Variants in CEP350 observed in about 807,000 individuals in gnomAD.
CEP350 encodes centrosomal protein 350.
In CEP350, 126 loss-of-function variants were observed where a neutral mutation model predicts 331.8. That is an observed-to-expected ratio of 0.38 (90% CI 0.33 to 0.44). The LOEUF is 0.44. CEP350 is among the 20% of genes least tolerant of loss of function. The pLI is 1.00. For missense variants in CEP350, 3,406 were observed against 3,634.6 expected, an observed-to-expected ratio of 0.94 and a Z score of 1.62; for synonymous variants, 1,200 against 1,259.5, an observed-to-expected ratio of 0.95 and a Z score of 1.00.
At position 180,031,478 on chromosome 1, in the gene CEP350, T is replaced by C; in HGVS notation, c.3709T>C (p.Ser1237Pro). The C allele has an allele frequency of 6.7e-7, 1 of 1,481,822 alleles. No homozygotes were observed. The highest frequency in any genetic ancestry group is 1.4e-5 in the South Asian group (1 of 71,146). 91.8% of individuals were successfully genotyped at this position (1,481,822 alleles called of 1,614,324 possible). Residue 1237 changes from serine (S) to proline (P), a missense_variant, in exon 15 of 38, where the codon TCT (serine) becomes CCT (proline). Ser to Pro is a moderately conservative substitution (Grantham distance 74, BLOSUM62 -1). This residue lies in a region of CEP350 where 1,857 missense variants were observed against 1,909.2 expected (regional missense o/e 0.97). Coordinates refer to ENST00000367607, the MANE Select transcript of CEP350 (RefSeq NM_014810.5). Reference sequence around the variant, plus strand: ...TACAGATAGCACTTTGGAGGATCTTTCTGGACATTCTGTGAGGTAATGTAT... The same window carrying C: ...TACAGATAGCACTTTGGAGGATCTTCCTGGACATTCTGTGAGGTAATGTAT... ...LDTDSTLEDLSGHSVSVSSDK... is the reference protein window; with the variant it reads ...LDTDSTLEDLPGHSVSVSSDK...
chr1:180,040,039 T>C (rs1031785801), intron 17 of CEP350, among the ~76,000 whole-genome samples: 1 of 152,146 alleles, frequency 6.6e-6, no homozygotes, highest in Non-Finnish European at 1.5e-5. Flanking sequence ...TTTTTTTTTT[T>C]CAGTTTCCTT....
chr1:180,084,990 A>C (rs373366222), intron 31 of CEP350, among the ~76,000 whole-genome samples: 17 of 152,192 alleles, frequency 1.1e-4, no homozygotes, highest in African/African-American at 3.9e-4. Flanking sequence ...GTATTAGATA[A>C]ATAATTTTAG....
chr1:180,092,284 A>C (rs191413462), intron 33 of CEP350, among the ~76,000 whole-genome samples: 2 of 152,184 alleles, frequency 1.3e-5, no homozygotes, highest in Admixed American at 1.3e-4. Flanking sequence ...AAATGTTTGT[A>C]ATAACCATCA....
At chr1:179,969,909 A>G (rs1397350408) in intron 1 of CEP350, among the ~76,000 whole-genome samples, 1 of 152,246 alleles carries the variant, frequency 6.6e-6, no homozygotes, top group African/African-American at 2.4e-5. Flanking sequence ...TTATAGTGAA[A>G]CTTTTATACT....
At chr1:180,014,611 C>CT in intron 10 of CEP350, 106 bp downstream of exon 10, 1 of 1,015,302 alleles carries the variant, frequency 9.8e-7, no homozygotes, top group Non-Finnish European at 1.4e-6. Flanking sequence ...TCAGATAATA[C>CT]TTATAATAAT....
At chr1:179,966,641 C>T (rs1195972629) in intron 1 of CEP350, among the ~76,000 whole-genome samples, 1 of 152,090 alleles carries the variant, frequency 6.6e-6, no homozygotes, top group Non-Finnish European at 1.5e-5. Context: ...TTGGTACCCC[C>T]TTCAGTATTA....
intron 21 of CEP350, among the ~76,000 whole-genome samples, chr1:180,047,780 A>G (rs1657230315): frequency 6.8e-6 from 1 of 146,100 alleles, no homozygotes. Flanking sequence ...AAAAAAAAAG[A>G]AAAGAAAAGG....
intron 20 of CEP350, among the ~76,000 whole-genome samples, chr1:180,043,772 TTGTGTGTG>T (rs71118428): frequency 1.8e-3 from 264 of 148,434 alleles, no homozygotes; most frequent in African/African-American, 4.4e-3. Flanking sequence ...ATTACCATAT[TTGTGTGTG>T]TGTGTGTGTG....
Position 179,955,078 on chromosome 1 carries a change from C to A in CEP350, c.-78C>A. The stretch of plus-strand genomic sequence containing the variant: ...CCTGGGGCCGGTCGGGGCGGCGTCA[C>A]TGCACCCTCCGCCAGGCTCCGCGGG... On this transcript the variant is annotated 5_prime_UTR_variant, in exon 1 of 38. It adds an upstream start codon to the 5' untranslated region. Coordinates refer to ENST00000367607, the MANE Select transcript of CEP350 (RefSeq NM_014810.5). 1 of 1,454,356 alleles carries A rather than the reference C, an allele frequency of 6.9e-7. No individual in the cohort carries two copies. Among genetic ancestry groups the A allele is most frequent in the Non-Finnish European group, 9.0e-7 (1 of 1,106,562 alleles). 90.1% of individuals were successfully genotyped at this position (1,454,356 alleles called of 1,614,324 possible).
At chr1:180,079,447 T>A (rs1331735754) in intron 29 of CEP350, among the ~76,000 whole-genome samples, 1 of 151,924 alleles carries the variant, frequency 6.6e-6, no homozygotes, top group African/African-American at 2.4e-5. Flanking sequence ...TTCATTTGTG[T>A]TACAGCACCT....
Position 180,044,069 on chromosome 1 carries a change from A to T in CEP350, c.4518A>T (p.Ser1506=). ...TTTGTAGGAAAAGTCCATCTGTTTC[A>T]CTCTCTCAGAGTAAAGAAGGGACCC... ...TETDRKSPSV[S]LSQSKEGTLD... The change falls in exon 21 of 38, where the codon TCA becomes TCT. Residue 1506 remains serine, a synonymous_variant. Coordinates refer to ENST00000367607, the MANE Select transcript of CEP350 (RefSeq NM_014810.5). The T allele has an allele frequency of 6.5e-7, 1 of 1,545,090 alleles. No homozygotes were observed. The highest frequency in any genetic ancestry group is 8.7e-7 in the Non-Finnish European group (1 of 1,145,942).
chr1:180,090,680 T>A lies in CEP350; in HGVS notation c.6426-34T>A, dbSNP rs1660143882. On this transcript the variant is annotated intron_variant, in intron 32 of 37. Transcript: ENST00000367607. ...TTTGTTACCAGTTATTATAGTAATA[T>A]GTTTATTTCTGCTCATTAATTTTTA... 3 of 1,512,832 alleles carry A rather than the reference T, an allele frequency of 2.0e-6. No homozygotes were observed. The African/African-American group carries it at 4.2e-5, about 21-fold the overall frequency. 93.7% of individuals were successfully genotyped at this position (1,512,832 alleles called of 1,614,324 possible).
At chr1:180,017,408 G>A (rs1340264319) in intron 11 of CEP350, among the ~76,000 whole-genome samples, 4 of 152,154 alleles carry the variant, frequency 2.6e-5, no homozygotes, top group African/African-American at 9.7e-5. Flanking sequence ...AGGATTGAAT[G>A]CTTTTAGATG....
chr1:180,047,432 G>T (rs892333260), intron 21 of CEP350, among the ~76,000 whole-genome samples: 1 of 152,058 alleles, frequency 6.6e-6, no homozygotes, highest in African/African-American at 2.4e-5. Context: ...TGAAGTTATG[G>T]TTAAGATTGC....
In CEP350 at chr1:179,987,386, C is replaced by G. The variant is rs1343443822; in HGVS notation, c.120+100C>G. 9 of 418,096 alleles carry G rather than the reference C, an allele frequency of 2.2e-5. No individual in the cohort carries two copies. The East Asian group carries it at 4.7e-4, about 22-fold the overall frequency. The allele number at this position is 418,096 out of a possible 1,614,324, so 25.9% of individuals were successfully genotyped here. On this transcript the variant is annotated intron_variant, in intron 3 of 37. Transcript: ENST00000367607. ...TGTTTTCCATACTGTTCTTTAAATA[C>G]TATATATTACTATAGAATAATACTA...
chr1:180,077,356 T>A (rs1177824726), intron 28 of CEP350, among the ~76,000 whole-genome samples: 1 of 140,828 alleles, frequency 7.1e-6, no homozygotes, highest in Non-Finnish European at 1.6e-5. Flanking sequence ...TATAGAAAAA[T>A]TTAGAATTTT....
At chr1:179,969,776 A>C (rs1651299814) in intron 1 of CEP350, among the ~76,000 whole-genome samples, 1 of 152,076 alleles carries the variant, frequency 6.6e-6, no homozygotes, top group South Asian at 2.1e-4. Flanking sequence ...GGCAACAATG[A>C]GACCCTGTCT....
At chr1:179,989,388 T>G (rs1652886436) in intron 3 of CEP350, among the ~76,000 whole-genome samples, 1 of 148,002 alleles carries the variant, frequency 6.8e-6, no homozygotes, top group South Asian at 2.1e-4. Context: ...GAGGCTGAGG[T>G]GGGAGGATCG....
intron 7 of CEP350, among the ~76,000 whole-genome samples, chr1:180,005,948 T>G (rs1007747973): frequency 7.2e-5 from 11 of 152,240 alleles, no homozygotes; most frequent in Non-Finnish European, 1.5e-4. Context: ...GTAATCAGTT[T>G]ATTTCTGCAA....
Sources: allele counts gnomAD v4.1 joint callset (sites outside exome capture counted in the v4.1 genomes callset), GRCh38; gene constraint gnomAD v4.1.1; regional missense constraint gnomAD v4.1.1; transcripts MANE v1.5; gene names NCBI Gene and HGNC (gene_info 2026-07-23, HGNC 2026-07-21).